Variants in HNRNPD observed in about 807,000 individuals in gnomAD.
The protein encoded by HNRNPD is heterogeneous nuclear ribonucleoprotein D0.
In HNRNPD, 3 loss-of-function variants were observed where a neutral mutation model predicts 47.9. The observed-to-expected ratio is 0.06, with a 90% CI of 0.03 to 0.16. The LOEUF is 0.16. HNRNPD is among the 10% of genes least tolerant of loss of function. HNRNPD has a pLI of 1.00. For synonymous variants in HNRNPD, 171 were observed against 165.1 expected (o/e 1.04, Z -0.28); for missense variants, 287 against 454.2 (o/e 0.63, Z 3.35).
At chr4:82,365,542 T>A (rs1054281491) in intron 2 of HNRNPD, among the ~76,000 whole-genome samples, 1 of 151,866 alleles carries the variant, frequency 6.6e-6, no homozygotes, top group Non-Finnish European at 1.5e-5. Context: ...GGGAGAGAGC[T>A]TGACAAGCTT....
rs1277928036 is a variant in HNRNPD at position 82,353,621 on chromosome 4, C to T, written c.*564G>A. 1 of 152,556 alleles carries T rather than the reference C, an allele frequency of 6.6e-6. No homozygotes were observed. The highest frequency in any genetic ancestry group is 1.5e-5 in the Non-Finnish European group (1 of 68,006). The allele number at this position is 152,556 out of a possible 1,614,324, so 9.5% of individuals were successfully genotyped here. ...ACATAAGGAAGTATTATTAAAACAA[C>T]CAACAAACAAATTGACATTAAGTCA... On this transcript the variant is annotated 3_prime_UTR_variant, in exon 9 of 9. Transcript: ENST00000313899.
chr4:82,361,667 T>G (rs1305174909), intron 2 of HNRNPD, among the ~76,000 whole-genome samples: 1 of 152,154 alleles, frequency 6.6e-6, no homozygotes, highest in Non-Finnish European at 1.5e-5. Context: ...AATTTAAAAT[T>G]ATTAAGAAAC....
rs545398811 is a variant in HNRNPD at position 82,371,397 on chromosome 4, G to T, written c.290+131C>A. The T allele has an allele frequency of 7.9e-6, 5 of 635,860 alleles. No homozygotes were observed. In the South Asian group the frequency reaches 9.1e-5, roughly 12 times the overall value. 39.4% of individuals were successfully genotyped at this position (635,860 alleles called of 1,614,324 possible). ...TGCCTATAAAAGGTATATATCCCAG[G>T]TACAAACCTACTGTATGTACTATGG... On this transcript the variant is annotated intron_variant, in intron 2 of 8. Coordinates refer to ENST00000313899, the MANE Select transcript of HNRNPD (RefSeq NM_031370.3).
intron 2 of HNRNPD, among the ~76,000 whole-genome samples, chr4:82,363,024 A>T (rs1578051136): frequency 7.7e-6 from 1 of 130,366 alleles, no homozygotes; most frequent in South Asian, 2.2e-4. Flanking sequence ...TAATGATTTT[A>T]TATATATATG....
At chr4:82,370,977 T>TACACAC (rs755789567) in intron 2 of HNRNPD, among the ~76,000 whole-genome samples, 370 of 34,530 alleles carry the variant, frequency 0.011, 2 homozygotes, top group African/African-American at 0.034. Flanking sequence ...TAATGGTATA[T>TACACAC]ATATACACAC....
chr4:82,357,021 G>C (rs749500407), intron 5 of HNRNPD, 126 bp from the exon 6 acceptor site: 51 of 844,566 alleles, frequency 6.0e-5, no homozygotes, highest in Non-Finnish European at 8.5e-5. Context: ...TCCTCAGTCA[G>C]TTTATTAATT....
At position 82,353,333 on chromosome 4, in the gene HNRNPD, C is replaced by T. The variant is rs1723582389; in HGVS notation, c.*852G>A. ...ACAAATAAGCACACACACATAAACA[C>T]GGTATATATTTCTTTAATCCTCCCT... On this transcript the variant is annotated 3_prime_UTR_variant, in exon 9 of 9. Transcript: ENST00000313899. 2 of 152,062 alleles carry T rather than the reference C, an allele frequency of 1.3e-5. No individual in the cohort carries two copies. The highest frequency in any genetic ancestry group is 6.6e-5 in the Admixed American group (1 of 15,266). 9.4% of individuals were successfully genotyped at this position (152,062 alleles called of 1,614,324 possible).
At chr4:82,359,236 A>C (rs1191773223) in intron 3 of HNRNPD, among the ~76,000 whole-genome samples, 1 of 152,174 alleles carries the variant, frequency 6.6e-6, no homozygotes, top group Non-Finnish European at 1.5e-5. Flanking sequence ...AGGCATCTTT[A>C]AGTCTATAGT....
intron 2 of HNRNPD, among the ~76,000 whole-genome samples, chr4:82,368,118 G>A (rs1284566578): frequency 1.3e-5 from 2 of 152,056 alleles, no homozygotes; most frequent in Non-Finnish European, 2.9e-5. Flanking sequence ...ACACACTTGA[G>A]GTACACAGCT....
At chr4:82,357,758 A>C (rs573699559) in intron 4 of HNRNPD, 34 of 198,562 alleles carry the variant, frequency 1.7e-4, no homozygotes, top group Non-Finnish European at 3.5e-4. Flanking sequence ...TAAGAAAAAC[A>C]GAATAAAAAT....
At position 82,356,788 on chromosome 4, in the gene HNRNPD, T is replaced by C; in HGVS notation, c.853+8A>G. 6.2e-7 allele frequency: 1 copy of C among 1,613,064 alleles called. No homozygotes were observed. Among genetic ancestry groups the C allele is most frequent in the South Asian group, 1.1e-5 (1 of 91,062 alleles). On this transcript the variant is annotated splice_region_variant and intron_variant, in intron 6 of 8. Coordinates refer to ENST00000313899, the MANE Select transcript of HNRNPD (RefSeq NM_031370.3). ...CTTAAGATAGAGTAAACTTAGGCTC[T>C]AGCTTACCACCACCTCTTCCACGAG...
At chr4:82,358,365 C>T (rs887461794) in intron 4 of HNRNPD, 2 of 272,316 alleles carry the variant, frequency 7.3e-6, no homozygotes, top group South Asian at 8.5e-5. Flanking sequence ...CAAAAGTCTC[C>T]TTCTAATCTA....
intron 1 of HNRNPD, 165 bp downstream of exon 1, chr4:82,373,281 T>G (rs936095870): frequency 3.2e-5 from 29 of 912,426 alleles, no homozygotes; most frequent in Non-Finnish European, 4.3e-5. Flanking sequence ...AAGAAGGAAA[T>G]GAAGGTCCGG....
At chr4:82,354,469 A>G (rs1723634928) in intron 8 of HNRNPD, 1 of 152,664 alleles carries the variant, frequency 6.6e-6, no homozygotes, top group African/African-American at 2.4e-5. Context: ...AGAGCATCTA[A>G]TATTTAAGCT....
At chr4:82,368,500 C>T (rs868704841) in intron 2 of HNRNPD, among the ~76,000 whole-genome samples, 11 of 152,076 alleles carry the variant, frequency 7.2e-5, no homozygotes, top group African/African-American at 2.4e-4. Context: ...ACTTAAAAAA[C>T]GAGATTATTT....
Position 82,373,926 on chromosome 4 carries a change from G to T in HNRNPD, c.-248C>A. 1.1e-6 allele frequency: 1 copy of T among 921,452 alleles called. No individual in the cohort carries two copies. Among genetic ancestry groups the T allele is most frequent in the Non-Finnish European group, 1.5e-6 (1 of 658,462 alleles). 57.1% of individuals were successfully genotyped at this position (921,452 alleles called of 1,614,324 possible). ...CTGCACTAAAAAAGAATAAGCACCA[G>T]CGGCGGCCGCTCTCGCCTCCTCCTC... On this transcript the variant is annotated 5_prime_UTR_variant, in exon 1 of 9. The change creates a new upstream start codon in the 5' untranslated region. Coordinates refer to ENST00000313899, the MANE Select transcript of HNRNPD (RefSeq NM_031370.3).
intron 1 of HNRNPD, chr4:82,373,244 G>A (rs993316260): frequency 2.7e-6 from 2 of 752,928 alleles, no homozygotes; most frequent in African/African-American, 3.5e-5. Context: ...TGTGTGATGG[G>A]GGAGGGGGGC....
At position 82,373,457 on chromosome 4, in the gene HNRNPD, C is replaced by T. The variant is rs1322201998; in HGVS notation, c.222G>A (p.Glu74=). 1.3e-6 allele frequency: 2 copies of T among 1,571,726 alleles called. No individual in the cohort carries two copies. The highest frequency in any genetic ancestry group is 2.3e-5 in the South Asian group (2 of 85,956). ...EGAKIDASKN[E]EDEGHSNSSP... is the part of the protein sequence containing the mutation. ...TGCCCCTTACTCACCCTTCATCCTCCTCGTTCTTACTGGCGTCAATCTTCG... is the reference window on the plus strand; with the variant it reads ...TGCCCCTTACTCACCCTTCATCCTCTTCGTTCTTACTGGCGTCAATCTTCG... Residue 74 remains glutamate (E), a synonymous_variant, in exon 1 of 9, where the codon GAG becomes GAA. Coordinates refer to ENST00000313899, the MANE Select transcript of HNRNPD (RefSeq NM_031370.3).
intron 1 of HNRNPD, chr4:82,373,205 C>T: frequency 1.4e-6 from 1 of 699,718 alleles, no homozygotes; most frequent in East Asian, 2.9e-5. Flanking sequence ...GGCCGAGGAG[C>T]AGCATGGTGA....
Sources: allele counts gnomAD v4.1 joint callset (sites outside exome capture counted in the v4.1 genomes callset), GRCh38; gene constraint gnomAD v4.1.1; transcripts MANE v1.5; gene names NCBI Gene and HGNC (gene_info 2026-07-23, HGNC 2026-07-21).